The following COPG2 variants were observed in gnomAD, a reference collection of about 807,000 sequenced individuals.
The protein encoded by COPG2 is coatomer subunit gamma-2.
COPG2 carries 37 observed loss-of-function variants against 46.3 expected under a neutral mutation model. The ratio of observed to expected loss-of-function variants is 0.80; its 90% CI spans 0.61 to 1.05. The LOEUF (loss-of-function observed/expected upper bound fraction) is 1.05, where lower values mean the gene tolerates loss of function less well. Among genes scored for constraint, COPG2 ranks in the 50% least tolerant of loss-of-function variants. The probability of loss-of-function intolerance (pLI) is 0.00; values close to 1 mark genes in which losing one functional copy is unlikely to be tolerated. For missense variants in COPG2, 427 were observed against 387.8 expected, an observed-to-expected ratio of 1.10 and a Z score of -0.85; for synonymous variants, 159 against 129.7, an observed-to-expected ratio of 1.23 and a Z score of -1.53.
intron 4 of COPG2, among the ~76,000 whole-genome samples, chr7:130,653,503 A>G (rs1795790999): frequency 6.6e-6 from 1 of 152,212 alleles, no homozygotes; most frequent in South Asian, 2.1e-4. Context: ...CACTTTCCTC[A>G]GTTCAGTGTA....
chr7:130,566,964 C>T (rs1480964655), intron 9 of COPG2, among the ~76,000 whole-genome samples: 6 of 152,170 alleles, frequency 3.9e-5, no homozygotes, highest in Non-Finnish European at 7.3e-5. Context: ...TGCACCACTA[C>T]ACACAATAGC....
intron 9 of COPG2, among the ~76,000 whole-genome samples, chr7:130,572,893 T>TA (rs1458125221): frequency 4.0e-5 from 6 of 150,408 alleles, no homozygotes; most frequent in African/African-American, 9.8e-5. Context: ...AAAATAATAA[T>TA]AAAAAAAATC....
chr7:130,559,068 A>G (rs1793676352), intron 12 of COPG2, among the ~76,000 whole-genome samples: 1 of 152,242 alleles, frequency 6.6e-6, no homozygotes, highest in Admixed American at 6.5e-5. Flanking sequence ...CCTAAAAAAA[A>G]TAACACTTTT....
At chr7:130,516,216 G>A (rs1799677144) in intron 20 of COPG2, among the ~76,000 whole-genome samples, 1 of 152,156 alleles carries the variant, frequency 6.6e-6, no homozygotes, top group Admixed American at 6.5e-5. Flanking sequence ...CTAACTGGAG[G>A]TATTTGGCAC....
chr7:130,524,910 C>T (rs886221031), intron 20 of COPG2, among the ~76,000 whole-genome samples: 2,555 of 152,184 alleles, frequency 0.017, 69 homozygotes, highest in African/African-American at 0.059. Context: ...TTTCAAACAG[C>T]AGATGGACTC....
intron 20 of COPG2, among the ~76,000 whole-genome samples, chr7:130,513,325 A>ATGTGTGTGTGTGTGTG (rs1447026285): frequency 0.028 from 1,395 of 50,526 alleles, 99 homozygotes; most frequent in Admixed American, 0.054. Context: ...ATATATATAT[A>ATGTGTGTGTGTGTGTG]TATATATATA....
rs1554452214 is a variant in COPG2 at position 130,612,212 on chromosome 7, C to T, written c.519G>A (p.Val173=). 6.2e-7 allele frequency: 1 copy of T among 1,603,226 alleles called. No individual in the cohort carries two copies. Among genetic ancestry groups the T allele is most frequent in the South Asian group, 1.1e-5 (1 of 89,000 alleles). Residue 173 remains valine, a synonymous_variant, in exon 8 of 24, where the codon GTG becomes GTA. Coordinates refer to ENST00000425248, the MANE Select transcript of COPG2 (RefSeq NM_012133.6). ...GGGCTTCATTGATCCAGCGCTTAAC[C>T]ACATCATAGCTTATCTTCATCATGT... ...SLHMMKISYD[V]VKRWINEAQE...
chr7:130,512,059 A>G (rs1420804823), intron 20 of COPG2, among the ~76,000 whole-genome samples: 21 of 150,386 alleles, frequency 1.4e-4, no homozygotes, highest in African/African-American at 4.6e-4. Flanking sequence ...TTCTAAAAAA[A>G]AAAAAAAAAA....
rs147695626 is a variant in COPG2, at chr7:130,655,132, T to C, written c.244-2184A>G. Among the ~76,000 whole-genome samples the C allele has an allele frequency of 2.0e-5, 3 of 152,332 alleles. No homozygotes were observed. In the East Asian group the frequency reaches 5.8e-4, roughly 29 times the overall value. ...CTGTTTATAGATAATATTTCCTGTTTATTTGCATATCTGATCATTTATTAG... is the reference window on the plus strand; with the variant it reads ...CTGTTTATAGATAATATTTCCTGTTCATTTGCATATCTGATCATTTATTAG... On this transcript the variant is annotated intron_variant, in intron 4 of 23. Coordinates refer to ENST00000425248, the MANE Select transcript of COPG2 (RefSeq NM_012133.6).
At chr7:130,636,779 C>G (rs1795347253) in intron 5 of COPG2, among the ~76,000 whole-genome samples, 1 of 151,992 alleles carries the variant, frequency 6.6e-6, no homozygotes, top group African/African-American at 2.4e-5. Context: ...TGCTAGCTGG[C>G]TATTTTGCCC....
Position 130,536,551 on chromosome 7 carries a change from T to C in COPG2, c.2149+11123A>G, listed in dbSNP as rs1381394969. Among the ~76,000 whole-genome samples, 365 of 152,278 alleles carry C rather than the reference T, an allele frequency of 2.4e-3. 1 individual carries two copies. Among genetic ancestry groups the C allele is most frequent in the Non-Finnish European group, 4.2e-3 (287 of 68,014 alleles). On this transcript the variant is annotated intron_variant, in intron 20 of 23. Coordinates refer to ENST00000425248, the MANE Select transcript of COPG2 (RefSeq NM_012133.6). ...AGCCCAAAAGATGCTTCTGATAGGC[T>C]TCCTCGGGGTCCTGCATCCTCGGGT...
chr7:130,530,370 T>C (rs1799812257), intron 20 of COPG2, among the ~76,000 whole-genome samples: 1 of 151,682 alleles, frequency 6.6e-6, no homozygotes, highest in Non-Finnish European at 1.5e-5. Context: ...GCCTTCTTGA[T>C]GGAACAGAAA....
rs142131469 is a variant in COPG2, at chr7:130,599,320, C to T, written c.737+11633G>A. On this transcript the variant is annotated intron_variant, in intron 9 of 23. Transcript: ENST00000425248. Reference sequence around the variant, plus strand: ...CAGAGCTGGCTAAGACCAACCAGACCCAATATGGCACTGGATTTGACCTAG... The same window carrying T: ...CAGAGCTGGCTAAGACCAACCAGACTCAATATGGCACTGGATTTGACCTAG... Among the ~76,000 whole-genome samples, 808 of 152,202 alleles carry T rather than the reference C, an allele frequency of 5.3e-3. 10 individuals are homozygous for T. The highest frequency in any genetic ancestry group is 0.018 in the African/African-American group (751 of 41,520).
chr7:130,534,219 G>C (rs1799857561), intron 20 of COPG2, among the ~76,000 whole-genome samples: 1 of 152,118 alleles, frequency 6.6e-6, no homozygotes, highest in Admixed American at 6.5e-5. Flanking sequence ...AAAGTAACTG[G>C]GGTTACAGAG....
intron 5 of COPG2, chr7:130,645,122 C>A: frequency 2.0e-5 from 8 of 396,458 alleles, no homozygotes; most frequent in South Asian, 4.8e-5. Context: ...TTTCAGGTGA[C>A]TGGAAAAAGC....
intron 20 of COPG2, among the ~76,000 whole-genome samples, chr7:130,513,177 T>C (rs1008426351): frequency 6.7e-6 from 1 of 150,150 alleles, no homozygotes; most frequent in Non-Finnish European, 1.5e-5. Context: ...TCCCAGCTAC[T>C]TGGGAGGCTG....
chr7:130,620,627 T>C (rs937030791), intron 5 of COPG2, among the ~76,000 whole-genome samples: 2 of 152,212 alleles, frequency 1.3e-5, no homozygotes, highest in Non-Finnish European at 2.9e-5. Context: ...TAGCAGCACA[T>C]AACTTGTTTG....
chr7:130,560,654 C>T (rs974776462), intron 12 of COPG2, among the ~76,000 whole-genome samples: 1 of 152,178 alleles, frequency 6.6e-6, no homozygotes, highest in South Asian at 2.1e-4. Context: ...CAAAAATATA[C>T]CTAAAATATA....
intron 9 of COPG2, among the ~76,000 whole-genome samples, chr7:130,586,169 A>C (rs1413588501): frequency 6.6e-6 from 1 of 152,084 alleles, no homozygotes; most frequent in African/African-American, 2.4e-5. Context: ...CACTCACAAC[A>C]ACCTGGATGA....
Sources: allele counts gnomAD v4.1 joint callset (sites outside exome capture counted in the v4.1 genomes callset), GRCh38; gene constraint gnomAD v4.1.1; transcripts MANE v1.5; gene names NCBI Gene and HGNC (gene_info 2026-07-23, HGNC 2026-07-21).